Variants in GSDMB observed in about 807,000 individuals in gnomAD.
The protein encoded by GSDMB is gasdermin-B.
GSDMB carries 32 observed loss-of-function variants against 42.9 expected under a neutral mutation model. The observed-to-expected ratio is 0.75, with a 90% CI of 0.56 to 1.00. GSDMB has a LOEUF of 1.00. GSDMB is among the 50% of genes least tolerant of loss of function. GSDMB has a pLI of 0.00. For missense variants in GSDMB, 468 were observed against 498.5 expected, an observed-to-expected ratio of 0.94 and a Z score of 0.58; for synonymous variants, 175 against 193.7, an observed-to-expected ratio of 0.90 and a Z score of 0.80.
rs368649550 is a variant in GSDMB, at chr17:39,905,457, T to C, written c.1067A>G (p.Glu356Gly). ...CTTCAACAGAGGAAGGGTCCCCTTCTCCAGGGCCTCAGCCACAAACTGCTG... is the reference window on the plus strand; with the variant it reads ...CTTCAACAGAGGAAGGGTCCCCTTCCCCAGGGCCTCAGCCACAAACTGCTG... ...EEQQFVAEAL[E>G]KGTLPLLKDQ... is the part of the protein sequence containing the mutation. The change falls in exon 10 of 11, where the codon GAG (glutamate) becomes GGG (glycine). Residue 356 changes from glutamate (E) to glycine (G), a missense_variant. Glu to Gly is a moderately conservative substitution (Grantham distance 98, BLOSUM62 -2). Transcript: ENST00000418519. The C allele has an allele frequency of 1.2e-6, 2 of 1,609,512 alleles. No homozygotes were observed. The highest frequency in any genetic ancestry group is 1.7e-6 in the Non-Finnish European group (2 of 1,178,074).
At chr17:39,907,609 T>G (rs1265121176) in intron 6 of GSDMB, 1 of 152,472 alleles carries the variant, frequency 6.6e-6, no homozygotes, top group African/African-American at 2.4e-5. Context: ...GCACCTGTAT[T>G]CCCAGCTACT....
chr17:39,905,319 G>A lies in GSDMB; in HGVS notation c.1098+107C>T, dbSNP rs1245633799. The stretch of plus-strand genomic sequence containing the variant: ...CCAGCTGCATGGATGTGAGCCGGCA[G>A]AAAACTATGGAATAAGAAGGGGCTG... On this transcript the variant is annotated intron_variant, in intron 10 of 10. Coordinates refer to ENST00000418519, the MANE Select transcript of GSDMB (RefSeq NM_001165958.2). 25 of 761,144 alleles carry A rather than the reference G, an allele frequency of 3.3e-5. No individual in the cohort carries two copies. The Admixed American group carries it at 6.0e-4, about 18-fold the overall frequency. The allele number at this position is 761,144 out of a possible 1,614,324, so 47.1% of individuals were successfully genotyped here. A position where few individuals can be genotyped will look rare whatever the true frequency, so the allele number is the denominator to read the frequency against.
At chr17:39,907,927 G>A (rs1681828015) in intron 6 of GSDMB, among the ~76,000 whole-genome samples, 2 of 152,048 alleles carry the variant, frequency 1.3e-5, no homozygotes. Context: ...AGACTTCAGG[G>A]AGGGCTGTAA....
Position 39,904,892 on chromosome 17 carries a change from C to T in GSDMB, c.1171G>A (p.Ala391Thr), listed in dbSNP as rs1309964991. The T allele has an allele frequency of 1.9e-6, 3 of 1,613,442 alleles. No individual in the cohort carries two copies. The highest frequency in any genetic ancestry group is 1.3e-5 in the African/African-American group (1 of 74,866). Residue 391 changes from alanine (A) to threonine (T), a missense_variant, in exon 11 of 11, where the codon GCA becomes ACA. By Grantham distance (58) the Ala-to-Thr change is moderately conservative. Transcript: ENST00000418519. ...ACATACAGCGCACAGAGAATTCGTGCCTCAGGGTCATAGTCCATGTCAGGA... is the reference window on the plus strand; with the variant it reads ...ACATACAGCGCACAGAGAATTCGTGTCTCAGGGTCATAGTCCATGTCAGGA... ...SPPDMDYDPE[A>T]RILCALYVVV...
chr17:39,909,491 G>C, intron 4 of GSDMB: 1 of 426,208 alleles, frequency 2.3e-6, no homozygotes, highest in Non-Finnish European at 4.2e-6. Flanking sequence ...GAGCCCAGGA[G>C]TTTGAGACCA....
intron 9 of GSDMB, 51 bp downstream of exon 9, chr17:39,905,796 C>T: frequency 6.3e-7 from 1 of 1,596,978 alleles, no homozygotes; most frequent in Admixed American, 1.7e-5. Context: ...CCCCACAGGC[C>T]TCTCTGCTCA....
Position 39,906,991 on chromosome 17 carries a change from C to G in GSDMB, c.701-4G>C, listed in dbSNP as rs1555649835. The G allele has an allele frequency of 3.1e-6, 5 of 1,613,840 alleles. No individual in the cohort carries two copies. In the Admixed American group the frequency reaches 8.3e-5, roughly 27 times the overall value. ...CAGGATGAAGCACCATCCTTCTCTGCAGAGAGAGGAAGAGTTATTTCAGAA... is the reference window on the plus strand; with the variant it reads ...CAGGATGAAGCACCATCCTTCTCTGGAGAGAGAGGAAGAGTTATTTCAGAA... On this transcript the variant is annotated splice_region_variant and splice_polypyrimidine_tract_variant and intron_variant, in intron 6 of 10. Transcript: ENST00000418519.
Position 39,904,787 on chromosome 17 carries a change from T to C in GSDMB, c.*25A>G, listed in dbSNP as rs1381167643. 3 of 1,609,576 alleles carry C rather than the reference T, an allele frequency of 1.9e-6. No homozygotes were observed. The highest frequency in any genetic ancestry group is 2.5e-6 in the Non-Finnish European group (3 of 1,176,630). ...ACTGGTAAAGGGAAAACCCAGAGGC[T>C]TGTGGGGAGAAAGGGCTTTTGTAGT... is the stretch of plus-strand genomic sequence containing the variant. On this transcript the variant is annotated 3_prime_UTR_variant, in exon 11 of 11. Coordinates refer to ENST00000418519, the MANE Select transcript of GSDMB (RefSeq NM_001165958.2).
In GSDMB at chr17:39,917,470, C is replaced by A. The variant is rs555945863; in HGVS notation, c.-14-140G>T. ...ATATTCCCTGTGACCTGCATGTATA[C>A]ATCCAGATGGCCTGAAGCAACTGAA... On this transcript the variant is annotated intron_variant, in intron 1 of 10. Coordinates refer to ENST00000418519, the MANE Select transcript of GSDMB (RefSeq NM_001165958.2). 2.4e-5 allele frequency: 15 copies of A among 620,020 alleles called. No individual in the cohort carries two copies. In the East Asian group the frequency reaches 3.8e-4, roughly 16 times the overall value. The allele number at this position is 620,020 out of a possible 1,614,324, so 38.4% of individuals were successfully genotyped here.
rs112259312 is a variant in GSDMB at position 39,908,761 on chromosome 17, G to C, written c.661+197C>G. Among the ~76,000 whole-genome samples, 39 of 152,220 alleles carry C rather than the reference G, an allele frequency of 2.6e-4. No individual in the cohort carries two copies. In the South Asian group the frequency reaches 5.8e-3, roughly 23 times the overall value. ...ATGTTCAGGCAAATCCTGGGTCAGCGGGTCCAGGTCCCCAGGTCAGAGCAT... is the reference window on the plus strand; with the variant it reads ...ATGTTCAGGCAAATCCTGGGTCAGCCGGTCCAGGTCCCCAGGTCAGAGCAT... On this transcript the variant is annotated intron_variant, in intron 5 of 10. Transcript: ENST00000418519.
At chr17:39,906,601 G>C (rs903964968) in intron 7 of GSDMB, 9 of 1,305,248 alleles carry the variant, frequency 6.9e-6, no homozygotes, top group Non-Finnish European at 8.8e-6. Context: ...GAAGTAATTA[G>C]GATTTGGAGA....
At chr17:39,908,358 G>C in intron 5 of GSDMB, 144 bp from the exon 6 acceptor site, 1 of 569,994 alleles carries the variant, frequency 1.8e-6, no homozygotes, top group Non-Finnish European at 3.1e-6. Flanking sequence ...ACTGTTTTTT[G>C]TTTTTGTTTT....
intron 10 of GSDMB, 162 bp from the exon 11 acceptor site, chr17:39,905,126 T>C (rs2063481156): frequency 3.1e-6 from 2 of 650,048 alleles, no homozygotes; most frequent in Admixed American, 5.5e-5. Context: ...TCTCTCAACA[T>C]AGTGGCAGGC....
chr17:39,914,493 G>A lies in GSDMB; in HGVS notation c.236-1996C>T, dbSNP rs773611746. 6.0e-4 allele frequency among the ~76,000 whole-genome samples: 91 copies of A among 152,106 alleles called. 1 individual carries two copies. The highest frequency in any genetic ancestry group is 4.1e-4 in the Non-Finnish European group (28 of 68,030). ...TAAGATAACATGGGCTGGGTGCAGC[G>A]GCTCACACCTGTAATCCCAGCACTT... On this transcript the variant is annotated intron_variant, in intron 2 of 10. Coordinates refer to ENST00000418519, the MANE Select transcript of GSDMB (RefSeq NM_001165958.2).
intron 2 of GSDMB, among the ~76,000 whole-genome samples, chr17:39,915,488 T>C (rs1194090842): frequency 6.6e-6 from 1 of 152,204 alleles, no homozygotes. Flanking sequence ...AATTTTTTTT[T>C]CCCAGACTTA....
chr17:39,905,844 C>T lies in GSDMB; in HGVS notation c.1027+3G>A, dbSNP rs553967807. 1 of 1,613,428 alleles carries T rather than the reference C, an allele frequency of 6.2e-7. No homozygotes were observed. The highest frequency in any genetic ancestry group is 1.1e-5 in the South Asian group (1 of 91,038). On this transcript the variant is annotated splice_donor_region_variant and intron_variant, in intron 9 of 10. Transcript: ENST00000418519. ...CCCAGCCTACAGCGAGACCCTTCCTCACCTAGCAGGGCATCCAGGAAGTCC... is the reference window on the plus strand; with the variant it reads ...CCCAGCCTACAGCGAGACCCTTCCTTACCTAGCAGGGCATCCAGGAAGTCC...
chr17:39,917,885 T>G (rs2063745274), intron 1 of GSDMB: 1 of 155,820 alleles, frequency 6.4e-6, no homozygotes, highest in Non-Finnish European at 1.4e-5. Context: ...TTGCCTGCCT[T>G]ACTTCTAGAA....
rs1598275666 is a variant in GSDMB, at chr17:39,909,117, C to A, written c.577-75G>T. The A allele has an allele frequency of 8.4e-6, 7 of 835,866 alleles. No homozygotes were observed. The East Asian group carries it at 1.7e-4, about 20-fold the overall frequency. 51.8% of individuals were successfully genotyped at this position (835,866 alleles called of 1,614,324 possible). Reference sequence around the variant, plus strand: ...TATCTTGCCTGATCTCCCAAACAATCCTGTGAGGCAGTCATTTGTATCCCC... The same window carrying A: ...TATCTTGCCTGATCTCCCAAACAATACTGTGAGGCAGTCATTTGTATCCCC... On this transcript the variant is annotated intron_variant, in intron 4 of 10. Transcript: ENST00000418519.
In GSDMB at chr17:39,912,426, C is replaced by A. The variant is rs770387053; in HGVS notation, c.307G>T (p.Glu103Ter). The A allele has an allele frequency of 3.7e-6, 6 of 1,612,472 alleles. No individual in the cohort carries two copies. Among genetic ancestry groups the A allele is most frequent in the Non-Finnish European group, 5.1e-6 (6 of 1,178,548 alleles). Residue 103 changes from glutamate (E) to a stop codon, truncating the protein, a stop_gained, in exon 3 of 11, where the codon GAA becomes TAA. Transcript: ENST00000418519. LOFTEE classifies it high-confidence loss of function. Reference sequence around the variant, plus strand: ...TGGAAACTGCCTGAAATTGTTATTTCTTTGGGTAATCTCACTATCAACTCT... The same window carrying A: ...TGGAAACTGCCTGAAATTGTTATTTATTTGGGTAATCTCACTATCAACTCT... ...TGELIVRLPK[E>*]ITISGSFQGF...
Sources: allele counts gnomAD v4.1 joint callset (sites outside exome capture counted in the v4.1 genomes callset), GRCh38; gene constraint gnomAD v4.1.1; transcripts MANE v1.5; gene names NCBI Gene and HGNC (gene_info 2026-07-23, HGNC 2026-07-21).